CRPPA: variants seen among roughly 807,000 people sequenced by gnomAD.
CRPPA encodes CDP-L-ribitol pyrophosphorylase A, also known as D-ribitol-5-phosphate cytidylyltransferase.
A neutral mutation model predicts 52.0 loss-of-function variants in CRPPA; 43 were observed. The observed-to-expected ratio is 0.83, with a 90% CI of 0.65 to 1.07. CRPPA has a LOEUF of 1.07. CRPPA is among the 50% of genes least tolerant of loss of function. CRPPA has a pLI of 0.00. For synonymous variants in CRPPA, 250 were observed against 203.5 expected, an observed-to-expected ratio of 1.23 and a Z score of -1.94; for missense variants, 629 against 551.7, an observed-to-expected ratio of 1.14 and a Z score of -1.40.
chr7:16,225,016 T>C (rs538438956), intron 8 of CRPPA, among the ~76,000 whole-genome samples: 1 of 152,086 alleles, frequency 6.6e-6, no homozygotes, highest in African/African-American at 2.4e-5. Context: ...CTTCACAAAA[T>C]AAAATACAGG....
At chr7:16,307,673 C>CAAAAAAAAAAAAAA (rs55682769) in intron 4 of CRPPA, among the ~76,000 whole-genome samples, 3 of 44,344 alleles carry the variant, frequency 6.8e-5, no homozygotes, top group African/African-American at 2.7e-4. Flanking sequence ...GAAACTCTGT[C>CAAAAAAAAAAAAAA]AAAAAAAAAA....
intron 8 of CRPPA, among the ~76,000 whole-genome samples, chr7:16,244,457 T>G (rs777954677): frequency 2.0e-5 from 3 of 152,216 alleles, no homozygotes; most frequent in Non-Finnish European, 4.4e-5. Flanking sequence ...CCCTTTAGAA[T>G]ATCTATTGAA....
chr7:16,170,665 G>A (rs1241482793), intron 9 of CRPPA, among the ~76,000 whole-genome samples: 1 of 152,232 alleles, frequency 6.6e-6, no homozygotes, highest in Non-Finnish European at 1.5e-5. Context: ...GGGGGCGGGG[G>A]AGAGAGGGAG....
intron 3 of CRPPA, among the ~76,000 whole-genome samples, chr7:16,344,323 G>A (rs1252702851): frequency 6.6e-6 from 1 of 151,066 alleles, no homozygotes; most frequent in Non-Finnish European, 1.5e-5. Flanking sequence ...CCCAGGGCTT[G>A]GGGAGGCCAA....
intron 3 of CRPPA, among the ~76,000 whole-genome samples, chr7:16,363,131 G>A (rs954003839): frequency 2.6e-5 from 4 of 152,136 alleles, no homozygotes; most frequent in African/African-American, 9.7e-5. Flanking sequence ...CCTCTGCCCT[G>A]CCCTACCAAC....
intron 9 of CRPPA, among the ~76,000 whole-genome samples, chr7:16,180,368 C>G (rs760121364): frequency 6.6e-6 from 1 of 151,902 alleles, no homozygotes; most frequent in Non-Finnish European, 1.5e-5. Context: ...TAATTAGTAA[C>G]AAAACTTACT....
intron 3 of CRPPA, among the ~76,000 whole-genome samples, chr7:16,339,085 G>A (rs890755655): frequency 2.0e-5 from 3 of 152,050 alleles, no homozygotes; most frequent in Non-Finnish European, 2.9e-5. Flanking sequence ...GATTACAGGC[G>A]TGAGCCACCG....
At chr7:16,157,017 T>G (rs1017604338) in intron 9 of CRPPA, among the ~76,000 whole-genome samples, 1 of 152,154 alleles carries the variant, frequency 6.6e-6, no homozygotes, top group Admixed American at 6.6e-5. Context: ...TTGTTTTTTG[T>G]TTTTTGTTTT....
At chr7:16,126,420 C>T (rs1314496852) in intron 9 of CRPPA, among the ~76,000 whole-genome samples, 1 of 152,074 alleles carries the variant, frequency 6.6e-6, no homozygotes, top group African/African-American at 2.4e-5. Context: ...CCCAGAACCA[C>T]TGAGATATAC....
At chr7:16,150,904 C>T (rs577723412) in intron 9 of CRPPA, among the ~76,000 whole-genome samples, 4 of 152,182 alleles carry the variant, frequency 2.6e-5, no homozygotes, top group Admixed American at 2.0e-4. Flanking sequence ...GATAATAAAC[C>T]CTCTCTGGCA....
chr7:16,411,159 A>G (rs1480836616), intron 1 of CRPPA, among the ~76,000 whole-genome samples: 3 of 152,192 alleles, frequency 2.0e-5, no homozygotes, highest in Non-Finnish European at 4.4e-5. Flanking sequence ...TTCGCCTGCA[A>G]TATCTCAATA....
chr7:16,367,454 T>G (rs1387901096), intron 3 of CRPPA, among the ~76,000 whole-genome samples: 2 of 152,150 alleles, frequency 1.3e-5, no homozygotes, highest in Admixed American at 6.5e-5. Context: ...TTCATAAAAT[T>G]TCATCTTTTT....
Position 16,214,755 on chromosome 7 carries a change from C to T in CRPPA, c.1251+1311G>A, listed in dbSNP as rs539473839. On this transcript the variant is annotated intron_variant, in intron 9 of 9. Transcript: ENST00000407010. ...CTCCTAACCTCAAGTGATCCGCCCG[C>T]CCATCTTGGCCTCCCAAAGTGTTAG... 2.0e-5 allele frequency among the ~76,000 whole-genome samples: 3 copies of T among 152,260 alleles called. No homozygotes were observed. In the East Asian group the frequency reaches 5.8e-4, roughly 29 times the overall value.
At chr7:16,148,094 T>G (rs1237421702) in intron 9 of CRPPA, among the ~76,000 whole-genome samples, 1 of 152,204 alleles carries the variant, frequency 6.6e-6, no homozygotes, top group Non-Finnish European at 1.5e-5. Flanking sequence ...ACATACCTTA[T>G]TTCTCCCAAT....
intron 3 of CRPPA, among the ~76,000 whole-genome samples, chr7:16,351,739 C>A (rs1185540316): frequency 6.6e-6 from 1 of 152,006 alleles, no homozygotes; most frequent in Non-Finnish European, 1.5e-5. Context: ...GTTAGAATGG[C>A]GATCATTAAA....
intron 3 of CRPPA, among the ~76,000 whole-genome samples, chr7:16,337,445 T>C (rs1785712957): frequency 6.6e-6 from 1 of 151,994 alleles, no homozygotes. Context: ...TACCAAAACT[T>C]ATAGCATGCA....
intron 9 of CRPPA, among the ~76,000 whole-genome samples, chr7:16,130,119 T>C (rs1255487682): frequency 1.3e-5 from 2 of 152,244 alleles, no homozygotes; most frequent in Non-Finnish European, 1.5e-5. Flanking sequence ...ATAGGAGTTA[T>C]GTGTAAACAA....
At position 16,182,789 on chromosome 7, in the gene CRPPA, GTCA is replaced by G. The variant is rs376340854; in HGVS notation, c.1251+33274_1251+33276del. ...TTTAATTATGACTTGTGCCAAGTTT[GTCA>G]TCATCTTACCTTTTTGGATTTCTTT... On this transcript the variant is annotated intron_variant, in intron 9 of 9. Transcript: ENST00000407010. Among the ~76,000 whole-genome samples the G allele has an allele frequency of 1.8e-3, 272 of 152,212 alleles. 1 individual carries two copies. Among genetic ancestry groups the G allele is most frequent in the Middle Eastern group, 0.01 (3 of 294 alleles).
rs935473846 is a variant in CRPPA at position 16,090,338 on chromosome 7, T to G, written c.*1357A>C. 6.6e-5 allele frequency: 10 copies of G among 152,088 alleles called. No homozygotes were observed. Among genetic ancestry groups the G allele is most frequent in the African/African-American group, 9.7e-5 (4 of 41,408 alleles). The allele number at this position is 152,088 out of a possible 1,614,324, so 9.4% of individuals were successfully genotyped here. On this transcript the variant is annotated 3_prime_UTR_variant, in exon 10 of 10. Transcript: ENST00000407010. ...AAGGTAGATATTGTATAGTGTATCT[T>G]TAACTGAAAACACTTCATGCAACTT...
Sources: gnomAD v4.1 joint callset for allele counts (sites outside exome capture counted in the v4.1 genomes callset) on GRCh38, gnomAD v4.1.1 for gene constraint, MANE v1.5 for transcripts, NCBI Gene and HGNC (gene_info 2026-07-23, HGNC 2026-07-21) for gene names.